The following ASAP1 variants were observed in gnomAD, a reference collection of about 807,000 sequenced individuals.
The protein encoded by ASAP1 is ArfGAP with SH3 domain, ankyrin repeat and PH domain 1.
ASAP1 carries 43 observed loss-of-function variants against 145.2 expected under a neutral mutation model. The observed-to-expected ratio is 0.30, with a 90% CI of 0.23 to 0.38. The LOEUF (loss-of-function observed/expected upper bound fraction) is 0.38, where lower values mean the gene tolerates loss of function less well. ASAP1 is among the 10% of genes least tolerant of loss of function. The pLI, the probability that ASAP1 is intolerant of heterozygous loss-of-function variation, is 1.00. For synonymous variants in ASAP1, 546 were observed against 515.5 expected (o/e 1.06, Z -0.80); for missense variants, 1,018 against 1,355.3 (o/e 0.75, Z 3.91).
In ASAP1 at chr8:130,070,682, TG is replaced by T. The variant is rs2097441207; in HGVS notation, c.2701+5665del. Among the ~76,000 whole-genome samples the T allele has an allele frequency of 2.0e-5, 3 of 151,380 alleles. No homozygotes were observed. In the South Asian group the frequency reaches 6.3e-4, roughly 32 times the overall value. Reference sequence around the variant, plus strand: ...ACCCCTATGACATCTGAAATACCCATGCTGTCTCAGGTGATGTCCAAGAACA... The same window carrying T: ...ACCCCTATGACATCTGAAATACCCATCTGTCTCAGGTGATGTCCAAGAACA... On this transcript the variant is annotated intron_variant, in intron 27 of 29. Transcript: ENST00000518721.
intron 2 of ASAP1, among the ~76,000 whole-genome samples, chr8:130,382,914 C>T (rs1450693634): frequency 2.0e-5 from 3 of 152,046 alleles, no homozygotes; most frequent in African/African-American, 7.2e-5. Context: ...AAAGCTTTCA[C>T]TTTAGCCAGA....
chr8:130,166,880 C>T (rs2097680946), intron 11 of ASAP1, among the ~76,000 whole-genome samples: 1 of 152,204 alleles, frequency 6.6e-6, no homozygotes. Context: ...AAATATTTCC[C>T]TGGCAAATGA....
At chr8:130,183,236 T>C (rs933197388) in intron 7 of ASAP1, among the ~76,000 whole-genome samples, 3 of 150,590 alleles carry the variant, frequency 2.0e-5, no homozygotes, top group Non-Finnish European at 3.0e-5. Context: ...CACATACAAA[T>C]AAATGGGAAT....
chr8:130,358,090 T>C lies in ASAP1; in HGVS notation c.113A>G (p.Tyr38Cys), dbSNP rs1333960419. The change falls in exon 3 of 30, where the codon TAC (tyrosine) becomes TGC (cysteine). Residue 38 changes from tyrosine (Y) to cysteine (C), a missense_variant. Physicochemically the swap from Tyr to Cys is radical, Grantham distance 194. This residue lies in a region of ASAP1 where 106 missense variants were observed against 134.5 expected (regional missense o/e 0.79). Transcript: ENST00000518721. This position sits in a 1 kb window ranked among gnomAD's most constrained non-coding sequence, Gnocchi z 4.1. ...SEFIAETTED[Y>C]NSPTTSSFTT... The stretch of plus-strand genomic sequence containing the variant: ...GAAGCTGGACGTGGTGGGCGAGTTG[T>C]AGTCCTCGGTGGTCTCGGCGATGAA... 3.1e-6 allele frequency: 5 copies of C among 1,610,484 alleles called. No individual in the cohort carries two copies. The highest frequency in any genetic ancestry group is 4.2e-6 in the Non-Finnish European group (5 of 1,178,814).
intron 2 of ASAP1, among the ~76,000 whole-genome samples, chr8:130,383,559 T>G (rs1449808557): frequency 3.9e-5 from 6 of 152,136 alleles, no homozygotes; most frequent in Non-Finnish European, 8.8e-5. Flanking sequence ...TGTTTAATCT[T>G]CACTGCAGTG....
At chr8:130,087,045 C>A (rs1258902472) in intron 25 of ASAP1, among the ~76,000 whole-genome samples, 1 of 152,150 alleles carries the variant, frequency 6.6e-6, no homozygotes, top group Admixed American at 6.5e-5. Context: ...CACCTTCTAC[C>A]TCCTTCTTAA....
chr8:130,100,428 C>T (rs911735307), intron 24 of ASAP1, among the ~76,000 whole-genome samples: 1 of 151,998 alleles, frequency 6.6e-6, no homozygotes, highest in Non-Finnish European at 1.5e-5. Context: ...CTCCCAGGTT[C>T]GGGTGATTCT....
At chr8:130,192,408 A>T (rs1815201818) in intron 5 of ASAP1, among the ~76,000 whole-genome samples, 1 of 152,140 alleles carries the variant, frequency 6.6e-6, no homozygotes, top group South Asian at 2.1e-4. Flanking sequence ...AGGAAAAAAA[A>T]GGTTGAGCAA....
Position 130,167,633 on chromosome 8 carries a change from A to G in ASAP1, c.823-11T>C, listed in dbSNP as rs1394231926. On this transcript the variant is annotated splice_polypyrimidine_tract_variant and intron_variant, in intron 10 of 29. Transcript: ENST00000518721. ...CTGGGTCTGTTTTATCTATGAAAAAAAAATTACTTCTATTACTTACCATTT... is the reference window on the plus strand; with the variant it reads ...CTGGGTCTGTTTTATCTATGAAAAAGAAATTACTTCTATTACTTACCATTT... 4 of 1,593,144 alleles carry G rather than the reference A, an allele frequency of 2.5e-6. No homozygotes were observed. The highest frequency in any genetic ancestry group is 2.7e-5 in the African/African-American group (2 of 74,478).
intron 2 of ASAP1, among the ~76,000 whole-genome samples, chr8:130,372,239 T>C (rs1827245952): frequency 6.6e-6 from 1 of 152,182 alleles, no homozygotes; most frequent in Non-Finnish European, 1.5e-5. Flanking sequence ...AAGAAGCAAA[T>C]TTATTTACAC....
intron 26 of ASAP1, among the ~76,000 whole-genome samples, chr8:130,079,391 G>A (rs1049020306): frequency 1.3e-5 from 2 of 151,482 alleles, no homozygotes; most frequent in East Asian, 3.9e-4. Context: ...AGTGAAAAAA[G>A]GGAAGAAAAG....
At chr8:130,321,147 T>A (rs149618742) in intron 3 of ASAP1, among the ~76,000 whole-genome samples, 1 of 152,060 alleles carries the variant, frequency 6.6e-6, no homozygotes, top group African/African-American at 2.4e-5. Flanking sequence ...TAATTAAATC[T>A]TCCAAAAGGC....
intron 1 of ASAP1, among the ~76,000 whole-genome samples, chr8:130,431,294 G>A (rs73713903): frequency 0.023 from 3,535 of 152,124 alleles, 115 homozygotes; most frequent in East Asian, 0.099. Flanking sequence ...TTTCCAACAG[G>A]CAAGTATCAC....
At chr8:130,386,698 C>CTG (rs1266186940) in intron 2 of ASAP1, 1 of 152,200 alleles carries the variant, frequency 6.6e-6, no homozygotes, top group Non-Finnish European at 1.5e-5. Flanking sequence ...GCTCGGGAGT[C>CTG]TAACAGTCAA....
rs1814302586 is a variant in ASAP1, at chr8:130,180,785, T to C, written c.626A>G (p.Lys209Arg). 1.9e-6 allele frequency: 3 copies of C among 1,613,628 alleles called. No individual in the cohort carries two copies. The highest frequency in any genetic ancestry group is 2.5e-6 in the Non-Finnish European group (3 of 1,179,812). Residue 209 changes from lysine (K) to arginine (R), a missense_variant, in exon 8 of 30, where the codon AAG (lysine) becomes AGG (arginine). Around this residue, in one of 9 missense-constraint regions of ASAP1, gnomAD observed 78 missense variants for 161.0 expected, o/e 0.48. Coordinates refer to ENST00000518721, the MANE Select transcript of ASAP1 (RefSeq NM_018482.4). The stretch of plus-strand genomic sequence containing the variant: ...TTGGAGCTGAAAGAGGCGCCTTTCC[T>C]TCTCCATTTCTTCCGCAATCTCAGC... ...TGAEIAEEME[K>R]ERRLFQLQMC...
At chr8:130,340,568 T>C (rs1825312498) in intron 3 of ASAP1, among the ~76,000 whole-genome samples, 1 of 152,242 alleles carries the variant, frequency 6.6e-6, no homozygotes, top group Admixed American at 6.5e-5. Context: ...TGTGTGTGTA[T>C]ACTTAAACTT....
At chr8:130,279,870 T>C (rs960176290) in intron 3 of ASAP1, among the ~76,000 whole-genome samples, 2 of 152,162 alleles carry the variant, frequency 1.3e-5, no homozygotes, top group Non-Finnish European at 2.9e-5. Flanking sequence ...TTACAACCTT[T>C]TGCCTCTCTT....
intron 27 of ASAP1, among the ~76,000 whole-genome samples, chr8:130,071,007 GGGGGGAGAGA>G (rs2097444734): frequency 2.2e-4 from 1 of 4,618 alleles, no homozygotes; most frequent in Non-Finnish European, 3.3e-4. Context: ...GAGAGGGGAG[GGGGGGAGAGA>G]GAGAGAGAGA....
chr8:130,055,794 T>C (rs572444457), intron 29 of ASAP1, among the ~76,000 whole-genome samples: 93 of 152,316 alleles, frequency 6.1e-4, no homozygotes, highest in Non-Finnish European at 6.5e-4. Flanking sequence ...GCCAAATCGA[T>C]AGAGAGGAAG....
Sources: gnomAD v4.1 joint callset for allele counts (sites outside exome capture counted in the v4.1 genomes callset) on GRCh38, gnomAD v4.1.1 for gene constraint, gnomAD v4.1.1 regional missense constraint, Gnocchi (gnomAD v3.1) non-coding constraint, MANE v1.5 for transcripts, NCBI Gene and HGNC (gene_info 2026-07-23, HGNC 2026-07-21) for gene names.